NBEA: variants seen among roughly 807,000 people sequenced by gnomAD.
NBEA encodes neurobeachin, also known as lysosomal-trafficking regulator 2.
Under a neutral mutation model 343.4 loss-of-function variants are expected in NBEA, and 44 were observed. The ratio of observed to expected loss-of-function variants is 0.13; its 90% confidence interval spans 0.10 to 0.16. The LOEUF (loss-of-function observed/expected upper bound fraction) is 0.16. NBEA is among the 10% of genes least tolerant of loss of function. The pLI is 1.00. For missense variants in NBEA, 2,555 were observed against 3,631.3 expected, an observed-to-expected ratio of 0.70 and a Z score of 7.62; for synonymous variants, 1,175 against 1,238.7, an observed-to-expected ratio of 0.95 and a Z score of 1.08.
At chr13:35,048,511 C>G in intron 4 of NBEA, 52 bp from the exon 5 acceptor site, 1 of 1,539,854 alleles carries the variant, frequency 6.5e-7, no homozygotes. Flanking sequence ...ACCTTAGCTA[C>G]TATCACATTT....
rs145577299 is a variant in NBEA at position 34,968,268 on chromosome 13, T to C, written c.294+25154T>C. The stretch of plus-strand genomic sequence containing the variant: ...CTGGACCTCGTTGTTTGAGTTCTTA[T>C]CAAGGCTTCAATTATGTGGCCTGAT... On this transcript the variant is annotated intron_variant, in intron 1 of 58. Coordinates refer to ENST00000379939, the MANE Select transcript of NBEA (RefSeq NM_001385012.1). Among the ~76,000 whole-genome samples the C allele has an allele frequency of 7.9e-3, 1,202 of 152,268 alleles. 9 individuals are homozygous for C. The highest frequency in any genetic ancestry group is 0.013 in the Non-Finnish European group (876 of 68,000).
In NBEA at chr13:35,367,546, T is replaced by C. The variant is rs1046851509; in HGVS notation, c.6179+15223T>C. Among the ~76,000 whole-genome samples the C allele has an allele frequency of 5.4e-5, 7 of 130,054 alleles. No homozygotes were observed. In the East Asian group the frequency reaches 6.0e-4, roughly 11 times the overall value. The allele number at this position is 130,054 out of a possible 152,430, so 85.3% of individuals were successfully genotyped here. ...TCCTTGTGCATACTGTTAGAAGCTGTTGTTGTTGTTTTTTTTTTTTCCAAC... is the reference window on the plus strand; with the variant it reads ...TCCTTGTGCATACTGTTAGAAGCTGCTGTTGTTGTTTTTTTTTTTTCCAAC... On this transcript the variant is annotated intron_variant, in intron 38 of 58. Transcript: ENST00000379939.
At chr13:35,652,887 G>C (rs533341753) in intron 53 of NBEA, among the ~76,000 whole-genome samples, 1 of 149,932 alleles carries the variant, frequency 6.7e-6, no homozygotes, top group South Asian at 2.2e-4. Flanking sequence ...GTGGAGTCAG[G>C]GTTTCACCGT....
chr13:35,659,913 C>T (rs763760437), intron 55 of NBEA, among the ~76,000 whole-genome samples: 9 of 152,096 alleles, frequency 5.9e-5, no homozygotes, highest in African/African-American at 1.9e-4. Flanking sequence ...AATTAATTTG[C>T]GCACTTTAAT....
At chr13:35,256,352 A>C (rs2032591666) in intron 34 of NBEA, among the ~76,000 whole-genome samples, 1 of 152,116 alleles carries the variant, frequency 6.6e-6, no homozygotes, top group African/African-American at 2.4e-5. Flanking sequence ...TGGGGTCTTT[A>C]TGGGCTCAGA....
At chr13:35,066,778 A>T (rs2063668754) in intron 8 of NBEA, among the ~76,000 whole-genome samples, 1 of 151,930 alleles carries the variant, frequency 6.6e-6, no homozygotes, top group South Asian at 2.1e-4. Context: ...TAATGTGATT[A>T]TCGATAATTA....
intron 38 of NBEA, among the ~76,000 whole-genome samples, chr13:35,427,945 A>G (rs2044816974): frequency 2.0e-5 from 3 of 152,178 alleles, no homozygotes; most frequent in Admixed American, 2.0e-4. Flanking sequence ...TGTGCGGGAT[A>G]TAATCTCCTC....
chr13:35,384,284 G>T (rs1434663920), intron 38 of NBEA, among the ~76,000 whole-genome samples: 9 of 152,042 alleles, frequency 5.9e-5, no homozygotes, highest in Non-Finnish European at 1.5e-5. Flanking sequence ...TACCTAAATG[G>T]ATTCTCTCTA....
intron 49 of NBEA, among the ~76,000 whole-genome samples, chr13:35,636,636 C>G (rs531746606): frequency 3.3e-5 from 5 of 152,280 alleles, no homozygotes; most frequent in Non-Finnish European, 7.4e-5. Context: ...TTTCCTCCTC[C>G]TTCACCTCCT....
chr13:35,254,793 C>T (rs772786824), intron 34 of NBEA, among the ~76,000 whole-genome samples: 2 of 152,128 alleles, frequency 1.3e-5, no homozygotes, highest in African/African-American at 4.8e-5. Context: ...AAAGTTGATA[C>T]AGCAAATATA....
At chr13:35,101,457 T>C (rs1256821932) in intron 11 of NBEA, among the ~76,000 whole-genome samples, 4 of 151,890 alleles carry the variant, frequency 2.6e-5, no homozygotes, top group Non-Finnish European at 5.9e-5. Flanking sequence ...TTTCATATGC[T>C]TGTTGTCTAT....
intron 10 of NBEA, among the ~76,000 whole-genome samples, chr13:35,079,425 A>G (rs1339958043): frequency 6.6e-6 from 1 of 152,206 alleles, no homozygotes; most frequent in Non-Finnish European, 1.5e-5. Flanking sequence ...TATATAACCT[A>G]GAGATACTAT....
At chr13:35,350,104 A>G (rs117382849) in intron 37 of NBEA, among the ~76,000 whole-genome samples, 2,385 of 152,270 alleles carry the variant, frequency 0.016, 25 homozygotes, top group Middle Eastern at 0.034. Flanking sequence ...GTATTAGTAA[A>G]GATTTGGAAT....
intron 40 of NBEA, among the ~76,000 whole-genome samples, chr13:35,472,174 C>T (rs772785278): frequency 5.9e-5 from 9 of 152,188 alleles, no homozygotes; most frequent in Non-Finnish European, 1.2e-4. Flanking sequence ...TATTCGGTAT[C>T]CTGACCTCCT....
Position 35,272,203 on chromosome 13 carries a change from A to G in NBEA, c.5777-18186A>G, listed in dbSNP as rs147056048. 1.8e-3 allele frequency among the ~76,000 whole-genome samples: 275 copies of G among 152,328 alleles called. 1 individual carries two copies. Among genetic ancestry groups the G allele is most frequent in the Middle Eastern group, 6.8e-3 (2 of 294 alleles). ...CAGAAGAGAGTGGGGCCAATATTCA[A>G]CATTCTTGAAGAAAATAATTTTCAA... On this transcript the variant is annotated intron_variant, in intron 34 of 58. Transcript: ENST00000379939.
chr13:35,181,601 C>G (rs2071325679), intron 28 of NBEA, among the ~76,000 whole-genome samples: 1 of 151,616 alleles, frequency 6.6e-6, no homozygotes, highest in South Asian at 2.1e-4. Context: ...TTCTCCCACT[C>G]TGTGAGTTGT....
chr13:35,472,894 A>C (rs2075717031), intron 41 of NBEA, among the ~76,000 whole-genome samples: 1 of 152,114 alleles, frequency 6.6e-6, no homozygotes, highest in Admixed American at 6.5e-5. Context: ...ATCACTTTTA[A>C]TTTTCAAAAC....
intron 1 of NBEA, 129 bp downstream of exon 1, chr13:34,943,243 G>A: frequency 8.0e-7 from 1 of 1,246,716 alleles, no homozygotes; most frequent in Non-Finnish European, 1.1e-6. Context: ...AGAGCGTTCA[G>A]CCGGTATTGC....
At chr13:35,164,239 T>C (rs2069811754) in intron 23 of NBEA, 117 bp from the exon 24 acceptor site, 1 of 869,158 alleles carries the variant, frequency 1.2e-6, no homozygotes, top group Admixed American at 3.5e-5. Context: ...TTTTATAATT[T>C]AATTTTAAAT....
Sources: allele counts gnomAD v4.1 joint callset (sites outside exome capture counted in the v4.1 genomes callset), GRCh38; gene constraint gnomAD v4.1.1; transcripts MANE v1.5; gene names NCBI Gene and HGNC (gene_info 2026-07-23, HGNC 2026-07-21).